Variants in TMEM117 observed in about 807,000 individuals in gnomAD.
The protein encoded by TMEM117 is transmembrane protein 117.
Under a neutral mutation model 52.4 loss-of-function variants are expected in TMEM117, and 27 were observed. That is an observed-to-expected ratio of 0.51 (90% CI 0.38 to 0.71). TMEM117 has a LOEUF of 0.71. Ranked by LOEUF, TMEM117 falls within the 30% of genes least tolerant of loss-of-function variation. The pLI is 0.00. For synonymous variants in TMEM117, 215 were observed against 206.3 expected (o/e 1.04, Z -0.36); for missense variants, 556 against 630.5 (o/e 0.88, Z 1.26).
At chr12:44,036,547 G>A (rs1053199487) in intron 3 of TMEM117, among the ~76,000 whole-genome samples, 2 of 152,162 alleles carry the variant, frequency 1.3e-5, no homozygotes, top group Non-Finnish European at 2.9e-5. Flanking sequence ...CTGAGATATA[G>A]CAATGTTGCT....
intron 2 of TMEM117, among the ~76,000 whole-genome samples, chr12:43,867,698 G>T (rs1424234986): frequency 6.6e-6 from 1 of 152,056 alleles, no homozygotes; most frequent in African/African-American, 2.4e-5. Flanking sequence ...TCAGACAAAA[G>T]TAACCAAAAA....
chr12:44,348,614 T>G (rs753778978), intron 6 of TMEM117, among the ~76,000 whole-genome samples: 15 of 152,050 alleles, frequency 9.9e-5, no homozygotes, highest in Non-Finnish European at 1.9e-4. Context: ...TCTTGAATTT[T>G]TTCTTAAATT....
At chr12:44,079,342 A>G (rs962053232) in intron 3 of TMEM117, among the ~76,000 whole-genome samples, 1 of 152,150 alleles carries the variant, frequency 6.6e-6, no homozygotes, top group Non-Finnish European at 1.5e-5. Flanking sequence ...GTATAAAAGC[A>G]TTCCTATTTC....
At chr12:44,190,729 T>A (rs1177946005) in intron 4 of TMEM117, among the ~76,000 whole-genome samples, 1 of 152,006 alleles carries the variant, frequency 6.6e-6, no homozygotes, top group East Asian at 1.9e-4. Context: ...ATATCTGAAC[T>A]GACATGAGGC....
chr12:44,032,817 C>T (rs1324189488), intron 3 of TMEM117, among the ~76,000 whole-genome samples: 1 of 152,122 alleles, frequency 6.6e-6, no homozygotes, highest in Non-Finnish European at 1.5e-5. Flanking sequence ...AATATCATTG[C>T]CCCTATTCAG....
In TMEM117 at chr12:44,095,202, T is replaced by C. The variant is rs1947737584; in HGVS notation, c.411-48323T>C. Among the ~76,000 whole-genome samples the C allele has an allele frequency of 2.6e-5, 4 of 152,156 alleles. No homozygotes were observed. In the South Asian group the frequency reaches 8.3e-4, roughly 31 times the overall value. Reference sequence around the variant, plus strand: ...CAATGCATATTACACAAGCATGTACTAGCAGTTTAGTGAAAGTCTGATCCT... The same window carrying C: ...CAATGCATATTACACAAGCATGTACCAGCAGTTTAGTGAAAGTCTGATCCT... On this transcript the variant is annotated intron_variant, in intron 3 of 7. Coordinates refer to ENST00000266534, the MANE Select transcript of TMEM117 (RefSeq NM_032256.3).
intron 3 of TMEM117, among the ~76,000 whole-genome samples, chr12:44,060,078 A>G (rs1036353425): frequency 6.6e-6 from 1 of 152,228 alleles, no homozygotes; most frequent in African/African-American, 2.4e-5. Context: ...TGAAGGCTCT[A>G]TCCCTGGAAG....
At chr12:43,844,171 A>T (rs555542471) in intron 1 of TMEM117, among the ~76,000 whole-genome samples, 1 of 152,322 alleles carries the variant, frequency 6.6e-6, no homozygotes, top group African/African-American at 2.4e-5. Flanking sequence ...TACAGAAAAT[A>T]CAAAAGTTAA....
intron 3 of TMEM117, among the ~76,000 whole-genome samples, chr12:44,052,940 C>T (rs1035172898): frequency 6.6e-6 from 1 of 152,134 alleles, no homozygotes; most frequent in Non-Finnish European, 1.5e-5. Context: ...AGGAATACCA[C>T]GAACTGTTAT....
At chr12:44,155,300 G>T (rs184301333) in intron 4 of TMEM117, among the ~76,000 whole-genome samples, 1 of 151,992 alleles carries the variant, frequency 6.6e-6, no homozygotes, top group African/African-American at 2.4e-5. Flanking sequence ...AATTAGTAAG[G>T]AGTAAACATT....
intron 3 of TMEM117, among the ~76,000 whole-genome samples, chr12:43,992,486 C>T (rs1393661684): frequency 6.6e-6 from 1 of 151,990 alleles, no homozygotes; most frequent in East Asian, 1.9e-4. Context: ...ACCATGTTGC[C>T]CAGGCTGGTT....
At chr12:44,261,645 A>G (rs529033816) in intron 5 of TMEM117, among the ~76,000 whole-genome samples, 2 of 152,350 alleles carry the variant, frequency 1.3e-5, no homozygotes, top group Non-Finnish European at 2.9e-5. Flanking sequence ...AGGAACATAG[A>G]TGGAAGGTAC....
intron 4 of TMEM117, among the ~76,000 whole-genome samples, chr12:44,206,736 C>G (rs1305130228): frequency 6.6e-6 from 1 of 152,144 alleles, no homozygotes; most frequent in Non-Finnish European, 1.5e-5. Context: ...ACTGCATATT[C>G]TAACTTATAA....
chr12:44,087,148 G>C (rs1046665492), intron 3 of TMEM117, among the ~76,000 whole-genome samples: 3 of 150,556 alleles, frequency 2.0e-5, no homozygotes, highest in Non-Finnish European at 4.4e-5. Context: ...TTTTACTTTT[G>C]ATCTGTGCCA....
intron 4 of TMEM117, among the ~76,000 whole-genome samples, chr12:44,159,750 A>G (rs940846942): frequency 3.9e-5 from 6 of 152,202 alleles, no homozygotes; most frequent in African/African-American, 1.4e-4. Context: ...AAAAGTTAAA[A>G]TGCTGATAAA....
At chr12:44,075,297 G>C (rs772729727) in intron 3 of TMEM117, among the ~76,000 whole-genome samples, 9 of 152,182 alleles carry the variant, frequency 5.9e-5, no homozygotes, top group Non-Finnish European at 1.3e-4. Flanking sequence ...TTCAAATCCT[G>C]ATTCAGGCAT....
chr12:44,246,826 A>C (rs1950136707), intron 5 of TMEM117, among the ~76,000 whole-genome samples: 1 of 152,164 alleles, frequency 6.6e-6, no homozygotes, highest in South Asian at 2.1e-4. Context: ...CGAACACATC[A>C]ACCTGGGGTT....
intron 5 of TMEM117, among the ~76,000 whole-genome samples, chr12:44,238,143 A>G (rs1270554090): frequency 1.3e-5 from 2 of 152,216 alleles, no homozygotes; most frequent in African/African-American, 2.4e-5. Flanking sequence ...GAAATTACAG[A>G]TAAGAAGTGT....
chr12:44,351,725 A>G (rs1951564668), intron 6 of TMEM117, among the ~76,000 whole-genome samples: 1 of 151,972 alleles, frequency 6.6e-6, no homozygotes, highest in South Asian at 2.1e-4. Flanking sequence ...AGAAAATTTC[A>G]TTACATTTTG....
Sources: gnomAD v4.1 joint callset for allele counts (sites outside exome capture counted in the v4.1 genomes callset) on GRCh38, gnomAD v4.1.1 for gene constraint, MANE v1.5 for transcripts, NCBI Gene and HGNC (gene_info 2026-07-23, HGNC 2026-07-21) for gene names.